DNAJB13: variants seen among roughly 807,000 people sequenced by gnomAD.
DNAJB13 encodes DnaJ heat shock protein family (Hsp40) member B13, also known as dnaJ homolog subfamily B member 13.
DNAJB13 carries 22 observed loss-of-function variants against 35.6 expected under a neutral mutation model. That is an observed-to-expected ratio of 0.62 (90% CI 0.44 to 0.88). The LOEUF (loss-of-function observed/expected upper bound fraction) is 0.88, where lower values mean the gene tolerates loss of function less well. Among genes scored for constraint, DNAJB13 ranks in the 40% least tolerant of loss-of-function variants. The pLI, the probability that DNAJB13 is intolerant of heterozygous loss-of-function variation, is 0.00. For synonymous variants in DNAJB13, 136 were observed against 144.2 expected, an observed-to-expected ratio of 0.94 and a Z score of 0.41; for missense variants, 370 against 384.3, an observed-to-expected ratio of 0.96 and a Z score of 0.31.
intron 1 of DNAJB13, among the ~76,000 whole-genome samples, chr11:73,954,032 A>ATATTATTATTAT (rs377643013): frequency 5.5e-5 from 8 of 145,268 alleles, no homozygotes; most frequent in African/African-American, 2.1e-4. Context: ...AATAATAATA[A>ATATTATTATTAT]TAATAATAAT....
rs995414815 is a variant in DNAJB13, at chr11:73,959,500, A to G, written c.179A>G (p.Lys60Arg). 5 of 1,613,430 alleles carry G rather than the reference A, an allele frequency of 3.1e-6. No individual in the cohort carries two copies. The highest frequency in any genetic ancestry group is 3.4e-6 in the Non-Finnish European group (4 of 1,179,622). Reference protein sequence around the residue: ...EAYDVLSDPMKRGIYDKFGEE... With the variant: ...EAYDVLSDPMRRGIYDKFGEE... The stretch of plus-strand genomic sequence containing the variant: ...AGGTGATGCCCATCCACAGCCATGA[A>G]GAGAGGCATCTACGACAAGTTTGGA... The change falls in exon 3 of 8, where the codon AAG (lysine) becomes AGG (arginine). Residue 60 changes from lysine to arginine, a missense_variant. By Grantham distance (26) the Lys-to-Arg change is conservative (BLOSUM62 2). Coordinates refer to ENST00000339764, the MANE Select transcript of DNAJB13 (RefSeq NM_153614.4).
At chr11:73,951,206 C>T (rs976066261) in intron 1 of DNAJB13, 69 bp downstream of exon 1, 8 of 1,581,582 alleles carry the variant, frequency 5.1e-6, no homozygotes, top group African/African-American at 4.0e-5. Context: ...TCTTCCAAAA[C>T]GAGCTTTCCT....
chr11:73,969,568 T>C (rs1951221589), intron 7 of DNAJB13, among the ~76,000 whole-genome samples: 1 of 152,208 alleles, frequency 6.6e-6, no homozygotes, highest in African/African-American at 2.4e-5. Flanking sequence ...AGGCCCCCAT[T>C]GTTGGGCAAC....
chr11:73,966,845 ATTTTTT>A (rs770257573), intron 5 of DNAJB13, among the ~76,000 whole-genome samples: 51 of 98,230 alleles, frequency 5.2e-4, no homozygotes, highest in Admixed American at 3.2e-3. Flanking sequence ...CGCCCAGCTA[ATTTTTT>A]TTTTTTTTTT....
At chr11:73,966,767 C>A (rs1591204212) in intron 5 of DNAJB13, among the ~76,000 whole-genome samples, 1 of 151,766 alleles carries the variant, frequency 6.6e-6, no homozygotes, top group African/African-American at 2.4e-5. Context: ...CAGCCTCCAC[C>A]TCCTGGATTC....
At chr11:73,953,779 G>T (rs996172381) in intron 1 of DNAJB13, among the ~76,000 whole-genome samples, 1 of 151,578 alleles carries the variant, frequency 6.6e-6, no homozygotes, top group African/African-American at 2.4e-5. Context: ...AATATGAGAT[G>T]GTCGCTCTCT....
chr11:73,966,083 A>T, intron 4 of DNAJB13, 55 bp from the exon 5 acceptor site: 10 of 1,504,778 alleles, frequency 6.6e-6, no homozygotes, highest in Non-Finnish European at 9.1e-6. Context: ...GCAAATCTCG[A>T]CTGTACTCAT....
At chr11:73,959,277 T>C (rs953936694) in intron 2 of DNAJB13, among the ~76,000 whole-genome samples, 1 of 152,144 alleles carries the variant, frequency 6.6e-6, no homozygotes, top group Non-Finnish European at 1.5e-5. Flanking sequence ...CTTTCCCGTC[T>C]CTCTTCTGGG....
chr11:73,965,955 G>C, intron 4 of DNAJB13, 183 bp from the exon 5 acceptor site: 3 of 605,360 alleles, frequency 5.0e-6, no homozygotes, highest in East Asian at 2.9e-5. Flanking sequence ...GTGGCTCAGG[G>C]CAGGCTCTCC....
At chr11:73,969,618 C>T (rs1488758005) in intron 7 of DNAJB13, among the ~76,000 whole-genome samples, 2 of 152,246 alleles carry the variant, frequency 1.3e-5, no homozygotes, top group African/African-American at 4.8e-5. Context: ...CATTAGAGTT[C>T]TGAGTTGCAT....
At chr11:73,966,714 T>G (rs1951126673) in intron 5 of DNAJB13, among the ~76,000 whole-genome samples, 1 of 152,044 alleles carries the variant, frequency 6.6e-6, no homozygotes, top group Admixed American at 6.6e-5. Flanking sequence ...GGAGTCTCAC[T>G]GTCGCCCAGG....
At chr11:73,953,342 C>T (rs927929790) in intron 1 of DNAJB13, among the ~76,000 whole-genome samples, 11 of 152,224 alleles carry the variant, frequency 7.2e-5, no homozygotes, top group Admixed American at 4.6e-4. Flanking sequence ...CAGGACGAGC[C>T]GCAGAAAAAA....
In DNAJB13 at chr11:73,966,122, T is replaced by G; in HGVS notation, c.493-16T>G. ...AGTCCTAAGCAGACCTCCCCACACC[T>G]GATATGTTGCTATAGGTGCTGAACG... On this transcript the variant is annotated splice_polypyrimidine_tract_variant and intron_variant, in intron 4 of 7. Coordinates refer to ENST00000339764, the MANE Select transcript of DNAJB13 (RefSeq NM_153614.4). 1.4e-5 allele frequency: 22 copies of G among 1,605,176 alleles called. No individual in the cohort carries two copies. The highest frequency in any genetic ancestry group is 1.6e-5 in the Non-Finnish European group (19 of 1,174,834).
At position 73,959,600 on chromosome 11, in the gene DNAJB13, T is replaced by C. The variant is rs653263; in HGVS notation, c.279T>C (p.His93=). The C allele has an allele frequency of 0.48, 774,091 of 1,613,864 alleles. 192,104 individuals carry two copies. Among genetic ancestry groups the C allele is most frequent in the African/African-American group, 0.83 (61,980 of 74,994 alleles). The change falls in exon 3 of 8, where the codon CAT becomes CAC. Residue 93 remains histidine (H), a synonymous_variant. Coordinates refer to ENST00000339764, the MANE Select transcript of DNAJB13 (RefSeq NM_153614.4). ...QTPWTTGYVF[H]GKPEKVFHEF... ...CATGGACAACTGGTTACGTCTTCCA[T>C]GGCAAACCTGAAAAGGTGTTCCACG...
intron 1 of DNAJB13, among the ~76,000 whole-genome samples, chr11:73,951,922 A>T (rs1950596016): frequency 6.6e-6 from 1 of 151,838 alleles, no homozygotes; most frequent in African/African-American, 2.4e-5. Flanking sequence ...CTGGGATTAT[A>T]GGTGTGAGTC....
intron 1 of DNAJB13, among the ~76,000 whole-genome samples, chr11:73,957,511 G>A (rs1950784650): frequency 6.6e-6 from 1 of 152,192 alleles, no homozygotes; most frequent in Non-Finnish European, 1.5e-5. Context: ...ACGCTGCGAT[G>A]TCTGCCCTTC....
rs1011058500 is a variant in DNAJB13 at position 73,953,839 on chromosome 11, A to G, written c.68+2702A>G. 2.6e-5 allele frequency among the ~76,000 whole-genome samples: 4 copies of G among 151,894 alleles called. No individual in the cohort carries two copies. In the South Asian group the frequency reaches 8.3e-4, roughly 32 times the overall value. On this transcript the variant is annotated intron_variant, in intron 1 of 7. Transcript: ENST00000339764. The stretch of plus-strand genomic sequence containing the variant: ...ACACTGAAACCCCGTCTCTACTAAA[A>G]AATACAAAAAATTAGCCGGGCACCT...
At chr11:73,958,551 G>C (rs550129367) in intron 2 of DNAJB13, 131 bp downstream of exon 2, 6 of 871,160 alleles carry the variant, frequency 6.9e-6, no homozygotes, top group South Asian at 5.0e-5. Flanking sequence ...TAGACACACA[G>C]AGAAGACAGA....
At chr11:73,962,791 G>A (rs1025122377) in intron 3 of DNAJB13, among the ~76,000 whole-genome samples, 4 of 152,078 alleles carry the variant, frequency 2.6e-5, no homozygotes, top group Non-Finnish European at 5.9e-5. Context: ...CTCCCACCTT[G>A]TGCCACCCTC....
Sources: allele counts gnomAD v4.1 joint callset (sites outside exome capture counted in the v4.1 genomes callset), GRCh38; gene constraint gnomAD v4.1.1; transcripts MANE v1.5; gene names NCBI Gene and HGNC (gene_info 2026-07-23, HGNC 2026-07-21).